CEP112: variants seen among roughly 807,000 people sequenced by gnomAD.
The protein encoded by CEP112 is centrosomal protein of 112 kDa.
A neutral mutation model predicts 153.0 loss-of-function variants in CEP112; 127 were observed. The ratio of observed to expected loss-of-function variants is 0.83; its 90% confidence interval spans 0.72 to 0.96. The LOEUF (loss-of-function observed/expected upper bound fraction) is 0.96, where lower values mean the gene tolerates loss of function less well. Among genes scored for constraint, CEP112 ranks in the 40% least tolerant of loss-of-function variants. The pLI, the probability that CEP112 is intolerant of heterozygous loss-of-function variation, is 0.00. For synonymous variants in CEP112, 358 were observed against 374.4 expected (o/e 0.96, Z 0.51); for missense variants, 1,089 against 1,101.2 (o/e 0.99, Z 0.16).
At chr17:65,771,352 A>G (rs773962184) in intron 21 of CEP112, among the ~76,000 whole-genome samples, 9 of 152,160 alleles carry the variant, frequency 5.9e-5, no homozygotes, top group Non-Finnish European at 1.3e-4. Context: ...AATCCTAAAT[A>G]TGTATGTACC....
chr17:65,873,617 T>A (rs2058733631), intron 20 of CEP112: 1 of 152,148 alleles, frequency 6.6e-6, no homozygotes, highest in Non-Finnish European at 1.5e-5. Context: ...CTAAGTAAGT[T>A]CTAGCAGGAA....
chr17:66,120,420 C>T (rs1047465806), intron 6 of CEP112, among the ~76,000 whole-genome samples: 6 of 152,038 alleles, frequency 3.9e-5, no homozygotes, highest in African/African-American at 1.2e-4. Flanking sequence ...AGGCTGGTCT[C>T]GAACTCCTGG....
At chr17:66,075,540 G>A (rs913796114) in intron 8 of CEP112, among the ~76,000 whole-genome samples, 4 of 151,958 alleles carry the variant, frequency 2.6e-5, no homozygotes, top group Non-Finnish European at 1.5e-5. Flanking sequence ...ATAAAAAAAG[G>A]GGGTACCAGT....
chr17:65,876,963 T>A (rs1290429080), intron 20 of CEP112, among the ~76,000 whole-genome samples: 1 of 152,122 alleles, frequency 6.6e-6, no homozygotes, highest in Admixed American at 6.5e-5. Flanking sequence ...TTCTCTGTGA[T>A]CATCTGTTTG....
chr17:65,902,923 A>G (rs2059929096), intron 19 of CEP112, among the ~76,000 whole-genome samples: 1 of 152,340 alleles, frequency 6.6e-6, no homozygotes, highest in South Asian at 2.1e-4. Context: ...ATGATTTCAT[A>G]AAGAGCATTC....
chr17:65,693,108 A>G (rs1223136297), intron 23 of CEP112, among the ~76,000 whole-genome samples: 2 of 152,172 alleles, frequency 1.3e-5, no homozygotes, highest in Non-Finnish European at 2.9e-5. Flanking sequence ...CTTTAATTTT[A>G]TTTCACAGAA....
chr17:65,959,829 C>CA (rs1014263798), intron 18 of CEP112, among the ~76,000 whole-genome samples: 1 of 152,180 alleles, frequency 6.6e-6, no homozygotes, highest in African/African-American at 2.4e-5. Context: ...GCTCACATAC[C>CA]CCTTGCTGCT....
intron 8 of CEP112, among the ~76,000 whole-genome samples, chr17:66,080,932 T>C (rs909816621): frequency 6.6e-6 from 1 of 152,070 alleles, no homozygotes; most frequent in Admixed American, 6.5e-5. Context: ...AAATACTGCA[T>C]GTTCTTACTC....
At chr17:65,702,924 C>T (rs957532384) in intron 23 of CEP112, among the ~76,000 whole-genome samples, 1 of 152,134 alleles carries the variant, frequency 6.6e-6, no homozygotes, top group Non-Finnish European at 1.5e-5. Context: ...TCAGTTAACC[C>T]CCTTCCAGTC....
chr17:66,019,315 AC>A (rs2064899868), intron 16 of CEP112, among the ~76,000 whole-genome samples: 2 of 151,952 alleles, frequency 1.3e-5, no homozygotes, highest in Non-Finnish European at 2.9e-5. Flanking sequence ...ACTAACAACA[AC>A]AACAACAACA....
At chr17:65,764,616 C>T (rs1215567757) in intron 21 of CEP112, among the ~76,000 whole-genome samples, 1 of 151,536 alleles carries the variant, frequency 6.6e-6, no homozygotes, top group Non-Finnish European at 1.5e-5. Flanking sequence ...CATTTGTGTG[C>T]AATAGCTTCT....
At chr17:66,071,147 G>C (rs1354781659) in intron 8 of CEP112, among the ~76,000 whole-genome samples, 1 of 151,710 alleles carries the variant, frequency 6.6e-6, no homozygotes, top group Non-Finnish European at 1.5e-5. Flanking sequence ...AATAAATTTA[G>C]CAAGATAAAC....
intron 6 of CEP112, among the ~76,000 whole-genome samples, chr17:66,097,913 C>T (rs1215770489): frequency 6.6e-6 from 1 of 152,166 alleles, no homozygotes; most frequent in African/African-American, 2.4e-5. Flanking sequence ...CACAAACTAT[C>T]ACTTCAACCT....
intron 16 of CEP112, among the ~76,000 whole-genome samples, chr17:66,023,172 G>A (rs2065068914): frequency 6.6e-6 from 1 of 152,108 alleles, no homozygotes; most frequent in Admixed American, 6.5e-5. Flanking sequence ...AACTTCTGTA[G>A]TCTAGCAAGA....
intron 23 of CEP112, among the ~76,000 whole-genome samples, chr17:65,722,694 T>C (rs184683580): frequency 1.1e-3 from 175 of 152,334 alleles, no homozygotes; most frequent in African/African-American, 4.2e-3. Flanking sequence ...TTAAGCTTTG[T>C]TAAGAACAGA....
At chr17:65,843,695 A>G (rs1328399347) in intron 21 of CEP112, among the ~76,000 whole-genome samples, 1 of 152,214 alleles carries the variant, frequency 6.6e-6, no homozygotes, top group Non-Finnish European at 1.5e-5. Context: ...ATTCCAGTAT[A>G]ATCCTTCAGA....
intron 17 of CEP112, among the ~76,000 whole-genome samples, chr17:65,992,272 A>T (rs542465895): frequency 6.6e-6 from 1 of 152,196 alleles, no homozygotes; most frequent in South Asian, 2.1e-4. Context: ...TAAATGAAGA[A>T]GATTTAAAAG....
intron 17 of CEP112, among the ~76,000 whole-genome samples, chr17:66,004,023 A>T (rs1427108652): frequency 1.3e-5 from 2 of 152,180 alleles, no homozygotes; most frequent in African/African-American, 2.4e-5. Flanking sequence ...GAAATGAAGA[A>T]AGGATAAAGA....
At chr17:65,913,882 C>T (rs1169586039) in intron 19 of CEP112, 31 of 985,136 alleles carry the variant, frequency 3.1e-5, no homozygotes, top group Non-Finnish European at 3.6e-5. Context: ...TTTAACACTT[C>T]AAAACACTTC....
Sources: gnomAD v4.1 joint callset for allele counts (sites outside exome capture counted in the v4.1 genomes callset) on GRCh38, gnomAD v4.1.1 for gene constraint, MANE v1.5 for transcripts, NCBI Gene and HGNC (gene_info 2026-07-23, HGNC 2026-07-21) for gene names.